MBOAT2: variants seen among roughly 807,000 people sequenced by gnomAD.
MBOAT2 encodes membrane bound glycerophospholipid O-acyltransferase 2, also known as membrane-bound glycerophospholipid O-acyltransferase 2.
MBOAT2 carries 28 observed loss-of-function variants against 63.4 expected under a neutral mutation model. The observed-to-expected ratio is 0.44, with a 90% CI of 0.33 to 0.61. MBOAT2 has a LOEUF of 0.61. Among genes scored for constraint, MBOAT2 ranks in the 20% least tolerant of loss-of-function variants. The pLI, the probability that MBOAT2 is intolerant of heterozygous loss-of-function variation, is 0.03. For synonymous variants in MBOAT2, 211 were observed against 215.6 expected (o/e 0.98, Z 0.19); for missense variants, 470 against 605.8 (o/e 0.78, Z 2.35).
At position 8,858,424 on chromosome 2, in the gene MBOAT2, C is replaced by T. The variant is rs1042296870; in HGVS notation, c.*255G>A. The T allele has an allele frequency of 4.0e-5, 16 of 400,584 alleles. No homozygotes were observed. The highest frequency in any genetic ancestry group is 6.7e-5 in the Non-Finnish European group (15 of 223,590). The allele number at this position is 400,584 out of a possible 1,614,324, so 24.8% of individuals were successfully genotyped here. On this transcript the variant is annotated 3_prime_UTR_variant, in exon 13 of 13. Transcript: ENST00000305997. ...GCAACAGGGCACGCGTGTGACCCTA[C>T]GGACAAGTGCTGAGGTTGGGAGTGC...
intron 9 of MBOAT2, among the ~76,000 whole-genome samples, chr2:8,866,183 A>G (rs975339326): frequency 6.6e-6 from 1 of 152,128 alleles, no homozygotes; most frequent in Non-Finnish European, 1.5e-5. Flanking sequence ...TTCTCATGCC[A>G]TGCACTCTCA....
chr2:8,899,088 G>A (rs892665934), intron 4 of MBOAT2, among the ~76,000 whole-genome samples: 2 of 152,176 alleles, frequency 1.3e-5, no homozygotes, highest in African/African-American at 2.4e-5. Flanking sequence ...AAGGAAAAGT[G>A]GTGGGGTCTT....
chr2:8,880,748 T>G (rs1380488223), intron 6 of MBOAT2, among the ~76,000 whole-genome samples: 1 of 152,256 alleles, frequency 6.6e-6, no homozygotes, highest in Admixed American at 6.5e-5. Flanking sequence ...GGGAGTGTCC[T>G]GGAAGGAAGT....
At chr2:8,893,769 A>G (rs899348185) in intron 4 of MBOAT2, among the ~76,000 whole-genome samples, 6 of 152,240 alleles carry the variant, frequency 3.9e-5, no homozygotes, top group African/African-American at 1.4e-4. Flanking sequence ...ATTTCAAACA[A>G]GAGTCATTTA....
At position 8,908,714 on chromosome 2, in the gene MBOAT2, T is replaced by C; in HGVS notation, c.302A>G (p.Tyr101Cys). The C allele has an allele frequency of 6.3e-7, 1 of 1,599,056 alleles. No individual in the cohort carries two copies. The highest frequency in any genetic ancestry group is 8.6e-7 in the Non-Finnish European group (1 of 1,168,680). ...IIIGVENMHN[Y>C]CFVFALGYLT... ...GTATCCCAGAGCAAACACAAAGCAG[T>C]AACTGCAAAACAAAAATAAGCTACA... The change falls in exon 4 of 13, where the codon TAC becomes TGC. Residue 101 changes from tyrosine to cysteine, a missense_variant and splice_region_variant. By Grantham distance (194) the Tyr-to-Cys change is radical. This residue lies in a region of MBOAT2 where 376 missense variants were observed against 503.8 expected (regional missense o/e 0.75). Transcript: ENST00000305997.
intron 1 of MBOAT2, among the ~76,000 whole-genome samples, chr2:8,995,798 A>C (rs556642498): frequency 2.0e-5 from 3 of 152,096 alleles, no homozygotes; most frequent in African/African-American, 7.2e-5. Flanking sequence ...TCACCGTGTT[A>C]GCCAGAATGG....
chr2:8,912,353 G>A (rs201874252), intron 3 of MBOAT2, among the ~76,000 whole-genome samples: 825 of 74,944 alleles, frequency 0.011, 2 homozygotes, highest in African/African-American at 0.017. Context: ...GAAAGAAAGA[G>A]AAAGAAAGAA....
In MBOAT2 at chr2:8,899,645, G is replaced by A. The variant is rs141470761; in HGVS notation, c.395+8976C>T. Among the ~76,000 whole-genome samples the A allele has an allele frequency of 7.0e-3, 1,063 of 152,290 alleles. 11 individuals are homozygous for A. The highest frequency in any genetic ancestry group is 0.012 in the Non-Finnish European group (843 of 68,020). On this transcript the variant is annotated intron_variant, in intron 4 of 12. Transcript: ENST00000305997. ...CTTCCAGTGATTGCCACTGCATAGC[G>A]GACATGGATGAGGGGGTAGCTTGTT...
intron 3 of MBOAT2, among the ~76,000 whole-genome samples, chr2:8,939,262 C>T (rs971804693): frequency 6.6e-6 from 1 of 152,134 alleles, no homozygotes; most frequent in South Asian, 2.1e-4. Flanking sequence ...GCCACTTGTC[C>T]CCCACATCCA....
intron 1 of MBOAT2, among the ~76,000 whole-genome samples, chr2:8,996,045 C>T (rs551958399): frequency 1.2e-4 from 18 of 152,266 alleles, no homozygotes; most frequent in African/African-American, 3.6e-4. Flanking sequence ...CTGAGTAGAG[C>T]CTGGGAATGT....
At chr2:8,946,293 A>G (rs954937394) in intron 2 of MBOAT2, among the ~76,000 whole-genome samples, 9 of 152,252 alleles carry the variant, frequency 5.9e-5, no homozygotes, top group Admixed American at 5.2e-4. Flanking sequence ...ACTGGAATAC[A>G]GGTTTGCCTG....
chr2:8,993,849 CT>C (rs771562367), intron 1 of MBOAT2, among the ~76,000 whole-genome samples: 4 of 152,198 alleles, frequency 2.6e-5, no homozygotes, highest in Non-Finnish European at 4.4e-5. Context: ...CTCCTAGGCT[CT>C]GAAGAAAGTA....
At chr2:8,948,945 A>G (rs1282712889) in intron 2 of MBOAT2, among the ~76,000 whole-genome samples, 1 of 152,176 alleles carries the variant, frequency 6.6e-6, no homozygotes, top group East Asian at 1.9e-4. Flanking sequence ...GAACTAACTT[A>G]CTTTCCCAAC....
chr2:8,880,553 C>CG (rs1234023154), intron 6 of MBOAT2, among the ~76,000 whole-genome samples: 2 of 152,034 alleles, frequency 1.3e-5, no homozygotes, highest in Non-Finnish European at 2.9e-5. Flanking sequence ...GTGGATTGGG[C>CG]GGGAATATAA....
At chr2:8,992,757 C>G (rs1354229541) in intron 1 of MBOAT2, among the ~76,000 whole-genome samples, 1 of 152,222 alleles carries the variant, frequency 6.6e-6, no homozygotes, top group South Asian at 2.1e-4. Context: ...AACGCCTAGA[C>G]AGAAGCAAGG....
At chr2:8,994,151 T>C (rs77565054) in intron 1 of MBOAT2, among the ~76,000 whole-genome samples, 328 of 152,268 alleles carry the variant, frequency 2.2e-3, no homozygotes, top group African/African-American at 7.4e-3. Context: ...GTGCCAAGAA[T>C]GGTCCTAGGC....
chr2:8,921,298 T>C (rs1666551341), intron 3 of MBOAT2, among the ~76,000 whole-genome samples: 1 of 152,210 alleles, frequency 6.6e-6, no homozygotes, highest in Admixed American at 6.5e-5. Context: ...TCACAATCTA[T>C]TTCAGATTAA....
At chr2:8,889,770 G>A (rs1293468088) in intron 4 of MBOAT2, among the ~76,000 whole-genome samples, 2 of 152,010 alleles carry the variant, frequency 1.3e-5, no homozygotes, top group Admixed American at 6.6e-5. Context: ...CATTTATTTT[G>A]TCAATTCAGT....
At chr2:8,944,772 T>C (rs1668297938) in intron 2 of MBOAT2, among the ~76,000 whole-genome samples, 1 of 152,044 alleles carries the variant, frequency 6.6e-6, no homozygotes, top group Non-Finnish European at 1.5e-5. Context: ...AGAAGAAAGC[T>C]TTTTTAAAAA....
Sources: gnomAD v4.1 joint callset for allele counts (sites outside exome capture counted in the v4.1 genomes callset) on GRCh38, gnomAD v4.1.1 for gene constraint, gnomAD v4.1.1 regional missense constraint, MANE v1.5 for transcripts, NCBI Gene and HGNC (gene_info 2026-07-23, HGNC 2026-07-21) for gene names.